Variants in DLG2 observed in about 807,000 individuals in gnomAD.
DLG2 encodes the protein discs large MAGUK scaffold protein 2.
DLG2 carries 45 observed loss-of-function variants against 132.5 expected under a neutral mutation model. The ratio of observed to expected loss-of-function variants is 0.34; its 90% CI spans 0.27 to 0.44. The LOEUF (loss-of-function observed/expected upper bound fraction) is 0.44, where lower values mean the gene tolerates loss of function less well. Among genes scored for constraint, DLG2 ranks in the 20% least tolerant of loss-of-function variants. The pLI, the probability that DLG2 is intolerant of heterozygous loss-of-function variation, is 1.00. For missense variants in DLG2, 1,045 were observed against 1,196.9 expected (o/e 0.87, Z 1.87); for synonymous variants, 424 against 419.6 (o/e 1.01, Z -0.13).
At chr11:85,313,225 T>C (rs1033390091) in intron 3 of DLG2, among the ~76,000 whole-genome samples, 2 of 151,972 alleles carry the variant, frequency 1.3e-5, no homozygotes, top group African/African-American at 4.8e-5. Flanking sequence ...ATGGAAATGA[T>C]CCAAAGAGTG....
chr11:83,672,741 G>A (rs1327011033), intron 18 of DLG2, among the ~76,000 whole-genome samples: 1 of 152,050 alleles, frequency 6.6e-6, no homozygotes, highest in Non-Finnish European at 1.5e-5. Context: ...AGGCATATAG[G>A]GATGAATGAA....
chr11:85,560,416 T>A (rs991700656), intron 3 of DLG2, among the ~76,000 whole-genome samples: 3 of 151,952 alleles, frequency 2.0e-5, no homozygotes, highest in Admixed American at 6.6e-5. Context: ...AGGAATGAAC[T>A]ACTGATATAG....
At chr11:85,434,195 C>T (rs529359918) in intron 3 of DLG2, among the ~76,000 whole-genome samples, 1 of 152,184 alleles carries the variant, frequency 6.6e-6, no homozygotes, top group South Asian at 2.1e-4. Flanking sequence ...AAATTTATAG[C>T]CCTAAATGCC....
At chr11:85,298,181 T>A (rs1297326356) in intron 3 of DLG2, among the ~76,000 whole-genome samples, 1 of 152,010 alleles carries the variant, frequency 6.6e-6, no homozygotes, top group African/African-American at 2.4e-5. Flanking sequence ...TTTGAATCTA[T>A]CAGAAAAGAG....
At chr11:85,491,011 T>C (rs2093548403) in intron 3 of DLG2, among the ~76,000 whole-genome samples, 2 of 151,876 alleles carry the variant, frequency 1.3e-5, no homozygotes. Flanking sequence ...AATATATACA[T>C]AAAAACTCTC....
intron 6 of DLG2, among the ~76,000 whole-genome samples, chr11:84,661,847 T>TG (rs2099694720): frequency 1.3e-5 from 2 of 152,148 alleles, no homozygotes; most frequent in Non-Finnish European, 2.9e-5. Flanking sequence ...AATGTTTATA[T>TG]ATTGACCACG....
intron 6 of DLG2, among the ~76,000 whole-genome samples, chr11:84,792,896 T>C (rs577383378): frequency 6.6e-6 from 1 of 152,122 alleles, no homozygotes; most frequent in Admixed American, 6.5e-5. Flanking sequence ...TGCATTGTTT[T>C]CTTTGTTTCA....
intron 3 of DLG2, among the ~76,000 whole-genome samples, chr11:85,540,221 C>T (rs748557885): frequency 6.6e-6 from 1 of 152,280 alleles, no homozygotes; most frequent in African/African-American, 2.4e-5. Flanking sequence ...CTCTTGTTTC[C>T]GTACCCAAAT....
At chr11:85,133,436 C>T (rs746702131) in intron 5 of DLG2, among the ~76,000 whole-genome samples, 2 of 152,154 alleles carry the variant, frequency 1.3e-5, no homozygotes, top group Non-Finnish European at 2.9e-5. Context: ...GTACTGCATA[C>T]ATCACATCTC....
intron 7 of DLG2, among the ~76,000 whole-genome samples, chr11:84,379,659 C>T (rs553067651): frequency 2.6e-5 from 4 of 152,150 alleles, no homozygotes; most frequent in Non-Finnish European, 5.9e-5. Context: ...ACAATACGGT[C>T]TGAGGCTCAG....
At chr11:84,897,074 C>G (rs996864158) in intron 6 of DLG2, among the ~76,000 whole-genome samples, 4 of 151,824 alleles carry the variant, frequency 2.6e-5, no homozygotes, top group Admixed American at 1.3e-4. Flanking sequence ...CATAACTAAT[C>G]AAATCACACT....
intron 6 of DLG2, among the ~76,000 whole-genome samples, chr11:84,722,811 T>C (rs544682287): frequency 2.8e-4 from 43 of 152,304 alleles, no homozygotes; most frequent in Admixed American, 1.2e-3. Flanking sequence ...TTTGGGATTC[T>C]TACACTAAGT....
rs7947355 is a variant in DLG2 at position 84,631,056 on chromosome 11, A to G, written c.358-96325T>C. 3.2e-3 allele frequency among the ~76,000 whole-genome samples: 456 copies of G among 142,090 alleles called. 5 individuals carry two copies. Among genetic ancestry groups the G allele is most frequent in the African/African-American group, 0.012 (434 of 36,776 alleles). 93.2% of individuals were successfully genotyped at this position (142,090 alleles called of 152,430 possible). A position where few individuals can be genotyped will look rare whatever the true frequency, so the allele number is the denominator to read the frequency against. ...CACACACACACACACACACACACACACAGAAACCACGTTTTGTTTCTACTG... is the reference window on the plus strand; with the variant it reads ...CACACACACACACACACACACACACGCAGAAACCACGTTTTGTTTCTACTG... On this transcript the variant is annotated intron_variant, in intron 6 of 27. Coordinates refer to ENST00000376104, the MANE Select transcript of DLG2 (RefSeq NM_001142699.3).
rs1033410432 is a variant in DLG2, at chr11:83,686,443, A to T, written c.1826-53118T>A. Reference sequence around the variant, plus strand: ...TGAAATATTTTATAGTTCTTTGTTCATTTCTTTACTTTTGCTCCTCTACCC... The same window carrying T: ...TGAAATATTTTATAGTTCTTTGTTCTTTTCTTTACTTTTGCTCCTCTACCC... On this transcript the variant is annotated intron_variant, in intron 18 of 27. Transcript: ENST00000376104. Among the ~76,000 whole-genome samples the T allele has an allele frequency of 7.9e-5, 12 of 152,082 alleles. No homozygotes were observed. The East Asian group carries it at 2.3e-3, about 29-fold the overall frequency.
chr11:84,382,239 GT>G (rs1468636967), intron 7 of DLG2, among the ~76,000 whole-genome samples: 1 of 151,256 alleles, frequency 6.6e-6, no homozygotes, highest in Admixed American at 6.6e-5. Context: ...CCTCAAACCA[GT>G]TTTTTTTTCT....
chr11:83,980,241 GC>G (rs1592265283), intron 12 of DLG2, among the ~76,000 whole-genome samples: 1 of 152,152 alleles, frequency 6.6e-6, no homozygotes, highest in African/African-American at 2.4e-5. Flanking sequence ...ATCTCTCTCT[GC>G]ATAAACACCC....
chr11:85,008,890 G>A (rs931429313), intron 6 of DLG2, among the ~76,000 whole-genome samples: 2 of 151,926 alleles, frequency 1.3e-5, no homozygotes, highest in African/African-American at 4.8e-5. Flanking sequence ...AGAGTAACAT[G>A]GGACAGATAT....
At chr11:84,182,768 T>C (rs34317629) in intron 8 of DLG2, among the ~76,000 whole-genome samples, 9,850 of 151,996 alleles carry the variant, frequency 0.065, 392 homozygotes, top group African/African-American at 0.1. Flanking sequence ...TCAAGAAAAT[T>C]GAAAACAGAA....
chr11:85,235,991 A>T (rs2075567265), intron 4 of DLG2, among the ~76,000 whole-genome samples: 1 of 151,840 alleles, frequency 6.6e-6, no homozygotes, highest in Non-Finnish European at 1.5e-5. Context: ...GCATATATCG[A>T]TTACTTGTAT....
Sources: gnomAD v4.1 joint callset for allele counts (sites outside exome capture counted in the v4.1 genomes callset) on GRCh38, gnomAD v4.1.1 for gene constraint, MANE v1.5 for transcripts, NCBI Gene and HGNC (gene_info 2026-07-23, HGNC 2026-07-21) for gene names.